The following BEGAIN variants were observed in gnomAD, a reference collection of about 807,000 sequenced individuals.
BEGAIN encodes the protein brain-enriched guanylate kinase-associated protein.
A neutral mutation model predicts 35.8 loss-of-function variants in BEGAIN; 19 were observed. The observed-to-expected ratio is 0.53, with a 90% CI of 0.37 to 0.78. The LOEUF is 0.78. BEGAIN is among the 30% of genes least tolerant of loss of function. The probability of loss-of-function intolerance (pLI) is 0.00; values close to 1 mark genes in which losing one functional copy is unlikely to be tolerated. For synonymous variants in BEGAIN, 462 were observed against 388.6 expected, an observed-to-expected ratio of 1.19 and a Z score of -2.22; for missense variants, 795 against 853.6, an observed-to-expected ratio of 0.93 and a Z score of 0.85.
intron 6 of BEGAIN, 35 bp from the exon 7 acceptor site, chr14:100,539,350 A>C (rs1366502334): frequency 6.6e-7 from 1 of 1,520,308 alleles, no homozygotes; most frequent in East Asian, 2.3e-5. Flanking sequence ...CGGCGGGTAC[A>C]GGGTCACTGT....
chr14:100,564,864 C>T (rs1386620581), intron 2 of BEGAIN, among the ~76,000 whole-genome samples: 1 of 152,112 alleles, frequency 6.6e-6, no homozygotes, highest in Non-Finnish European at 1.5e-5. Context: ...CTCCACTCCC[C>T]ACCCCTTACC....
Position 100,539,287 on chromosome 14 carries a change from C to G in BEGAIN, c.521G>C (p.Ser174Thr). Residue 174 changes from serine (S) to threonine (T), a missense_variant, in exon 7 of 7, where the codon AGC (serine) becomes ACC (threonine). Ser to Thr is a moderately conservative substitution (Grantham distance 58). Around this residue, in one of 3 missense-constraint regions of BEGAIN, gnomAD observed 664 missense variants for 647.7 expected, o/e 1.03. Coordinates refer to ENST00000554140, the MANE Select transcript of BEGAIN (RefSeq NM_001385089.1). ...ELPSDFQERVSLHMEKHGCSL... is the reference protein window; with the variant it reads ...ELPSDFQERVTLHMEKHGCSL... ...GCAGCCGTGCTTCTCCATGTGCAGG[C>G]TCACGCGCTCCTGGAAATCCGAGGG... 6.4e-7 allele frequency: 1 copy of G among 1,567,884 alleles called. No homozygotes were observed. The highest frequency in any genetic ancestry group is 1.2e-5 in the South Asian group (1 of 83,370).
chr14:100,568,871 G>T lies in BEGAIN; in HGVS notation c.43-932C>A. The T allele has an allele frequency of 1.2e-5, 12 of 985,778 alleles. No individual in the cohort carries two copies. The highest frequency in any genetic ancestry group is 1.4e-5 in the Non-Finnish European group (12 of 830,474). The allele number at this position is 985,778 out of a possible 1,614,324, so 61.1% of individuals were successfully genotyped here. ...TGACTGGCACTCAAGGGGGACAGGGGTCCGAGCTCAGGGACCACGCGACAG... is the reference window on the plus strand; with the variant it reads ...TGACTGGCACTCAAGGGGGACAGGGTTCCGAGCTCAGGGACCACGCGACAG... On this transcript the variant is annotated intron_variant, in intron 1 of 6. Transcript: ENST00000554140. This position sits in a 1 kb window ranked among gnomAD's most constrained non-coding sequence, Gnocchi z 7.5.
At chr14:100,546,746 A>C in intron 2 of BEGAIN, 84 bp from the exon 3 acceptor site, 2 of 1,339,508 alleles carry the variant, frequency 1.5e-6, no homozygotes. Flanking sequence ...GGCGTGCCGC[A>C]CTAACACGCG....
chr14:100,565,167 G>A (rs995087011), intron 2 of BEGAIN, among the ~76,000 whole-genome samples: 2 of 152,234 alleles, frequency 1.3e-5, no homozygotes, highest in African/African-American at 4.8e-5. Flanking sequence ...GGTACCCAGA[G>A]GGGGCTGGAG....
Position 100,558,314 on chromosome 14 carries a change from C to T in BEGAIN, c.71+9597G>A, listed in dbSNP as rs1390169128. On this transcript the variant is annotated intron_variant, in intron 2 of 6. Coordinates refer to ENST00000554140, the MANE Select transcript of BEGAIN (RefSeq NM_001385089.1). This position sits in a 1 kb window ranked among gnomAD's most constrained non-coding sequence, Gnocchi z 4.6. ...GGTCCTGTCTCAGCCTTCACCTGAC[C>T]TGCGCCCTCAGCAGCCAGGCACATG... 6.6e-6 allele frequency among the ~76,000 whole-genome samples: 1 copy of T among 152,178 alleles called. No individual in the cohort carries two copies. The highest frequency in any genetic ancestry group is 2.4e-5 in the African/African-American group (1 of 41,436).
chr14:100,579,251 A>G (rs2035267640), intron 1 of BEGAIN, among the ~76,000 whole-genome samples: 1 of 152,230 alleles, frequency 6.6e-6, no homozygotes, highest in Non-Finnish European at 1.5e-5. Context: ...GCTATGTGCA[A>G]TTCTCCAATG....
In BEGAIN at chr14:100,539,204, T is replaced by TGACGCAGGTGGG. The variant is rs751826978; in HGVS notation, c.592_603dup (p.Pro198_Val201dup). On this transcript the variant is annotated inframe_insertion, in exon 7 of 7. Transcript: ENST00000554140. The stretch of plus-strand genomic sequence containing the variant: ...TCCGGCTTCTCCAGCACCTTGGCAA[T>TGACGCAGGTGGG]GACGCAGGTGGGGACGCTGTCGGCG... 1.3e-6 allele frequency: 2 copies of TGACGCAGGTGGG among 1,582,270 alleles called. No individual in the cohort carries two copies. Among genetic ancestry groups the TGACGCAGGTGGG allele is most frequent in the Non-Finnish European group, 1.7e-6 (2 of 1,162,940 alleles).
rs1198496141 is a variant in BEGAIN at position 100,543,878 on chromosome 14, C to T, written c.388G>A (p.Asp130Asn). The stretch of plus-strand genomic sequence containing the variant: ...CTCACGTTGTCCTCTGACAGCTTGT[C>T]GATGGTCACCTTGGCTTCTAGCAGA... ...SHLLEAKVTI[D>N]KLSEDNELYR... The change falls in exon 5 of 7, where the codon GAC becomes AAC. Residue 130 changes from aspartate (D) to asparagine (N), a missense_variant. Around this residue, in one of 3 missense-constraint regions of BEGAIN, gnomAD observed 73 missense variants for 143.2 expected, o/e 0.51. Transcript: ENST00000554140. 42 of 1,613,478 alleles carry T rather than the reference C, an allele frequency of 2.6e-5. No individual in the cohort carries two copies. Among genetic ancestry groups the T allele is most frequent in the Non-Finnish European group, 3.4e-5 (40 of 1,179,816 alleles).
intron 1 of BEGAIN, among the ~76,000 whole-genome samples, chr14:100,576,448 G>A (rs375317231): frequency 6.6e-6 from 1 of 152,168 alleles, no homozygotes; most frequent in African/African-American, 2.4e-5. Flanking sequence ...GTCAATGCTC[G>A]GCGAGTATCA....
rs955425653 is a variant in BEGAIN, at chr14:100,558,851, T to A, written c.71+9060A>T. On this transcript the variant is annotated intron_variant, in intron 2 of 6. Transcript: ENST00000554140. This position sits in a 1 kb window ranked among gnomAD's most constrained non-coding sequence, Gnocchi z 4.6. ...TCTCATCTGCTCTCAGCCCGAGACC[T>A]CCTTGAAACCAACGTCAGACCCATC... Among the ~76,000 whole-genome samples, 3 of 152,144 alleles carry A rather than the reference T, an allele frequency of 2.0e-5. No individual in the cohort carries two copies. Among genetic ancestry groups the A allele is most frequent in the African/African-American group, 7.2e-5 (3 of 41,432 alleles).
intron 5 of BEGAIN, among the ~76,000 whole-genome samples, chr14:100,541,268 G>A (rs529851771): frequency 3.9e-5 from 6 of 152,352 alleles, no homozygotes; most frequent in Middle Eastern, 3.4e-3. Context: ...CCGCCCCTCC[G>A]GGGTCCCCAC....
In BEGAIN at chr14:100,587,397, G is replaced by T. The variant is rs867323619; in HGVS notation, c.-107C>A. 1 of 144,192 alleles carries T rather than the reference G, an allele frequency of 6.9e-6. No homozygotes were observed. The highest frequency in any genetic ancestry group is 1.5e-5 in the Non-Finnish European group (1 of 65,006). 8.9% of individuals were successfully genotyped at this position (144,192 alleles called of 1,614,324 possible). A position where few individuals can be genotyped will look rare whatever the true frequency, so the allele number is the denominator to read the frequency against. On this transcript the variant is annotated 5_prime_UTR_variant, in exon 1 of 7. Transcript: ENST00000554140. ...GGCGCGGCCGGGGCTCCCCCACCCC[G>T]CCCGGCTTCCCGCAGGGAGCGCCCG...
In BEGAIN at chr14:100,578,127, C is replaced by T. The variant is rs866534049; in HGVS notation, c.42+9122G>A. On this transcript the variant is annotated intron_variant, in intron 1 of 6. Coordinates refer to ENST00000554140, the MANE Select transcript of BEGAIN (RefSeq NM_001385089.1). ...TGATCCAGTGGCAGGGCCTCTTGGC[C>T]TCCCACCCCCAAATCGATTCTCACT... is the stretch of plus-strand genomic sequence containing the variant. Among the ~76,000 whole-genome samples the T allele has an allele frequency of 2.0e-5, 3 of 152,228 alleles. No individual in the cohort carries two copies. The South Asian group carries it at 6.2e-4, about 31-fold the overall frequency.
At chr14:100,540,394 A>G in intron 6 of BEGAIN, 102 bp downstream of exon 6, 2 of 914,544 alleles carry the variant, frequency 2.2e-6, no homozygotes, top group Non-Finnish European at 3.4e-6. Flanking sequence ...CTCAGCTGGC[A>G]TCTTCCTCCT....
intron 2 of BEGAIN, among the ~76,000 whole-genome samples, chr14:100,552,215 C>G (rs1000293963): frequency 6.6e-6 from 1 of 152,086 alleles, no homozygotes; most frequent in Non-Finnish European, 1.5e-5. Flanking sequence ...GAAACTGAGG[C>G]CCAGGGAAGG....
Position 100,537,947 on chromosome 14 carries a change from G to A in BEGAIN, c.*22C>T, listed in dbSNP as rs200035133. ...CGTGGGCTGGCGGGGAGCGAACCAC[G>A]GCCAGGCCTGCACGCAGGCGCTCAG... On this transcript the variant is annotated 3_prime_UTR_variant, in exon 7 of 7. Coordinates refer to ENST00000554140, the MANE Select transcript of BEGAIN (RefSeq NM_001385089.1). 6.2e-5 allele frequency: 99 copies of A among 1,588,840 alleles called. No individual in the cohort carries two copies. In the East Asian group the frequency reaches 1.9e-3, roughly 31 times the overall value.
intron 1 of BEGAIN, among the ~76,000 whole-genome samples, chr14:100,585,785 G>A (rs982800679): frequency 6.6e-6 from 1 of 152,094 alleles, no homozygotes; most frequent in Non-Finnish European, 1.5e-5. Context: ...TCAGCTCCCA[G>A]GTGCGAACAG....
At chr14:100,552,552 G>A (rs1444450763) in intron 2 of BEGAIN, among the ~76,000 whole-genome samples, 1 of 152,232 alleles carries the variant, frequency 6.6e-6, no homozygotes, top group East Asian at 1.9e-4. Flanking sequence ...ACTCCCCTTC[G>A]AAGGAAAGGT....
Sources: allele counts gnomAD v4.1 joint callset (sites outside exome capture counted in the v4.1 genomes callset), GRCh38; gene constraint gnomAD v4.1.1; regional missense constraint gnomAD v4.1.1; non-coding constraint Gnocchi (gnomAD v3.1); transcripts MANE v1.5; gene names NCBI Gene and HGNC (gene_info 2026-07-23, HGNC 2026-07-21).